GNB1: variants seen among roughly 807,000 people sequenced by gnomAD.
GNB1 encodes guanine nucleotide-binding protein G(I)/G(S)/G(T) subunit beta-1.
Under a neutral mutation model 42.9 loss-of-function variants are expected in GNB1, and 2 were observed. The observed-to-expected ratio is 0.05, with a 90% CI of 0.02 to 0.15. The LOEUF is 0.15. Among genes scored for constraint, GNB1 ranks in the 10% least tolerant of loss-of-function variants. The pLI, the probability that GNB1 is intolerant of heterozygous loss-of-function variation, is 1.00. For missense variants in GNB1, 193 were observed against 462.2 expected, an observed-to-expected ratio of 0.42 and a Z score of 5.34; for synonymous variants, 183 against 174.7, an observed-to-expected ratio of 1.05 and a Z score of -0.38.
At chr1:1,847,212 A>G (rs1429567188) in intron 1 of GNB1, among the ~76,000 whole-genome samples, 2 of 152,152 alleles carry the variant, frequency 1.3e-5, no homozygotes, top group Non-Finnish European at 2.9e-5. Context: ...GCTCTTATCT[A>G]CAAAGCTGCT....
At chr1:1,834,616 G>A (rs980850965) in intron 2 of GNB1, among the ~76,000 whole-genome samples, 2 of 150,516 alleles carry the variant, frequency 1.3e-5, no homozygotes, top group African/African-American at 4.9e-5. Flanking sequence ...AAGGTGGTGA[G>A]AAACTAACAA....
chr1:1,798,994 A>G (rs1363259441), intron 7 of GNB1, among the ~76,000 whole-genome samples: 1 of 149,422 alleles, frequency 6.7e-6, no homozygotes, highest in Non-Finnish European at 1.5e-5. Flanking sequence ...ATCTCGGCTC[A>G]CTGCAGGCTC....
intron 7 of GNB1, among the ~76,000 whole-genome samples, chr1:1,803,559 G>A (rs1234316534): frequency 6.6e-6 from 1 of 152,226 alleles, no homozygotes; most frequent in African/African-American, 2.4e-5. Context: ...TGCAGTTACA[G>A]GCATGAGCCA....
In GNB1 at chr1:1,787,640, G is replaced by A. The variant is rs140054448; in HGVS notation, c.917-203C>T. Among the ~76,000 whole-genome samples the A allele has an allele frequency of 0.019, 2,940 of 152,116 alleles. 51 individuals are homozygous for A. The highest frequency in any genetic ancestry group is 0.029 in the Non-Finnish European group (1,976 of 67,992). ...CAGCCTTGTTAAAATTCAAAGACAC[G>A]CACACACACGCAATCGATAAATCCA... On this transcript the variant is annotated intron_variant, in intron 10 of 11. Coordinates refer to ENST00000378609, the MANE Select transcript of GNB1 (RefSeq NM_002074.5). The surrounding 1 kb of genome is among the most constrained non-coding windows in gnomAD (Gnocchi z 4.4).
intron 4 of GNB1, among the ~76,000 whole-genome samples, chr1:1,817,388 G>A (rs145974247): frequency 6.6e-5 from 10 of 152,270 alleles, no homozygotes; most frequent in African/African-American, 2.2e-4. Flanking sequence ...TATTGTGAAT[G>A]GTGCTGCTAT....
chr1:1,824,893 A>G (rs1276046617), intron 3 of GNB1: 1 of 152,316 alleles, frequency 6.6e-6, no homozygotes, highest in Middle Eastern at 3.2e-3. Flanking sequence ...GGATTTAGAT[A>G]TATCTGCTCC....
chr1:1,807,463 G>GGAAAAAAAAAAAAAAA (rs1369704288), intron 5 of GNB1, among the ~76,000 whole-genome samples: 1 of 25,580 alleles, frequency 3.9e-5, no homozygotes, highest in African/African-American at 2.3e-4. Flanking sequence ...GATCCTGACT[G>GGAAAAAAAAAAAAAAA]AAAAAAAAAA....
intron 1 of GNB1, among the ~76,000 whole-genome samples, chr1:1,863,242 C>A (rs907295699): frequency 6.6e-6 from 1 of 152,094 alleles, no homozygotes; most frequent in African/African-American, 2.4e-5. Flanking sequence ...TGAGGTGGTG[C>A]TGGCTAGAAA....
chr1:1,819,738 C>T (rs1371819008), intron 3 of GNB1, among the ~76,000 whole-genome samples: 1 of 148,688 alleles, frequency 6.7e-6, no homozygotes, highest in Admixed American at 6.7e-5. Flanking sequence ...ATGGGGATCT[C>T]GTCATGTTGC....
At chr1:1,828,514 T>G (rs989648351) in intron 2 of GNB1, among the ~76,000 whole-genome samples, 1 of 152,054 alleles carries the variant, frequency 6.6e-6, no homozygotes, top group African/African-American at 2.4e-5. Context: ...AGAAACAAAT[T>G]TACCAAAAAT....
chr1:1,872,107 T>C (rs993121966), intron 1 of GNB1, among the ~76,000 whole-genome samples: 5 of 151,964 alleles, frequency 3.3e-5, no homozygotes, highest in African/African-American at 4.8e-5. Context: ...GCTGAAGCGA[T>C]GCTCCCTCCT....
At chr1:1,823,279 T>C (rs908842356) in intron 3 of GNB1, among the ~76,000 whole-genome samples, 6 of 143,284 alleles carry the variant, frequency 4.2e-5, no homozygotes, top group Non-Finnish European at 7.6e-5. Context: ...CTGATTTCTA[T>C]AAGATGAAAT....
chr1:1,789,034 A>G lies in GNB1; in HGVS notation c.916+19T>C, dbSNP rs1353041878. ...ACGTAAATGTCCACAAGACACAGAAAGGCCCCATGGCCACGTACCTGCCCG... is the reference window on the plus strand; with the variant it reads ...ACGTAAATGTCCACAAGACACAGAAGGGCCCCATGGCCACGTACCTGCCCG... On this transcript the variant is annotated intron_variant, in intron 10 of 11. Transcript: ENST00000378609. 1.3e-6 allele frequency: 2 copies of G among 1,564,466 alleles called. No individual in the cohort carries two copies. The highest frequency in any genetic ancestry group is 2.7e-5 in the African/African-American group (2 of 74,086).
intron 1 of GNB1, among the ~76,000 whole-genome samples, chr1:1,860,724 G>A (rs1009510884): frequency 1.3e-5 from 2 of 151,050 alleles, no homozygotes; most frequent in South Asian, 2.1e-4. Flanking sequence ...AAAAAAAAGA[G>A]GGAGGAAGAG....
chr1:1,880,093 G>A (rs1478868946), intron 1 of GNB1, among the ~76,000 whole-genome samples: 2 of 151,620 alleles, frequency 1.3e-5, no homozygotes, highest in Non-Finnish European at 2.9e-5. Flanking sequence ...CACCATGCCT[G>A]GCTAATTTTC....
At chr1:1,830,075 C>T (rs939573428) in intron 2 of GNB1, among the ~76,000 whole-genome samples, 3 of 151,790 alleles carry the variant, frequency 2.0e-5, no homozygotes, top group African/African-American at 7.3e-5. Flanking sequence ...GATGTTATGG[C>T]GTTGTTTTTG....
At chr1:1,845,603 T>A (rs996372711) in intron 1 of GNB1, among the ~76,000 whole-genome samples, 24 of 151,658 alleles carry the variant, frequency 1.6e-4, no homozygotes, top group Middle Eastern at 3.4e-3. Flanking sequence ...AAAATAAAAA[T>A]AATAATAATA....
At chr1:1,819,334 C>T (rs1488771362) in intron 3 of GNB1, among the ~76,000 whole-genome samples, 4 of 151,918 alleles carry the variant, frequency 2.6e-5, no homozygotes, top group Non-Finnish European at 4.4e-5. Context: ...TGATTCTTCC[C>T]GTCTCAGCCT....
intron 3 of GNB1, among the ~76,000 whole-genome samples, chr1:1,820,348 A>G (rs995849173): frequency 1.7e-4 from 22 of 129,774 alleles, no homozygotes; most frequent in African/African-American, 5.9e-4. Flanking sequence ...ACAGAGCGAG[A>G]CTCTGTTTAA....
Sources: allele counts gnomAD v4.1 joint callset (sites outside exome capture counted in the v4.1 genomes callset), GRCh38; gene constraint gnomAD v4.1.1; non-coding constraint Gnocchi (gnomAD v3.1); transcripts MANE v1.5; gene names NCBI Gene and HGNC (gene_info 2026-07-23, HGNC 2026-07-21).